Variants in DPYSL5 observed in about 807,000 individuals in gnomAD.
DPYSL5 encodes dihydropyrimidinase like 5.
DPYSL5 carries 9 observed loss-of-function variants against 58.4 expected under a neutral mutation model. The ratio of observed to expected loss-of-function variants is 0.15; its 90% CI spans 0.09 to 0.27. The LOEUF is 0.27. DPYSL5 is among the 10% of genes least tolerant of loss of function. The probability of loss-of-function intolerance (pLI) is 1.00; values close to 1 mark genes in which losing one functional copy is unlikely to be tolerated. For missense variants in DPYSL5, 499 were observed against 770.6 expected, an observed-to-expected ratio of 0.65 and a Z score of 4.17; for synonymous variants, 293 against 301.9, an observed-to-expected ratio of 0.97 and a Z score of 0.31.
chr2:26,917,228 G>A lies in DPYSL5; in HGVS notation c.262-7659G>A, dbSNP rs76036286. Among the ~76,000 whole-genome samples, 755 of 152,348 alleles carry A rather than the reference G, an allele frequency of 5.0e-3. 4 individuals are homozygous for A. Among genetic ancestry groups the A allele is most frequent in the Non-Finnish European group, 6.8e-3 (463 of 68,028 alleles). ...GTCAGGATACTATAGTGAGAGCAAA[G>A]TAAGGTCAGGAAGTGGGACCATGCC... On this transcript the variant is annotated intron_variant, in intron 2 of 12. Coordinates refer to ENST00000288699, the MANE Select transcript of DPYSL5 (RefSeq NM_020134.4).
chr2:26,851,387 G>A (rs1012883520), intron 1 of DPYSL5, among the ~76,000 whole-genome samples: 3 of 50,862 alleles, frequency 5.9e-5, no homozygotes, highest in African/African-American at 5.5e-4. Flanking sequence ...GCAAACATTA[G>A]CAGGGTTGTT....
rs1665416146 is a variant in DPYSL5 at position 26,944,517 on chromosome 2, T to C, written c.1441-139T>C. 9.7e-6 allele frequency: 9 copies of C among 925,154 alleles called. No homozygotes were observed. In the South Asian group the frequency reaches 1.2e-4, roughly 12 times the overall value. The allele number at this position is 925,154 out of a possible 1,614,324, so 57.3% of individuals were successfully genotyped here. On this transcript the variant is annotated intron_variant, in intron 11 of 12. Coordinates refer to ENST00000288699, the MANE Select transcript of DPYSL5 (RefSeq NM_020134.4). This position sits in a 1 kb window ranked among gnomAD's most constrained non-coding sequence, Gnocchi z 4.4. ...CCCTGGACTCAATGTTTAAGAAGCC[T>C]TGGTCACTTGCAGTGATTTGGGTCT...
chr2:26,940,936 TATTTA>T (rs1558355837), intron 9 of DPYSL5, among the ~76,000 whole-genome samples: 65 of 98,996 alleles, frequency 6.6e-4, no homozygotes, highest in African/African-American at 2.2e-3. Context: ...TTATTATTAT[TATTTA>T]TTTTTTTTTG....
chr2:26,866,711 ATAAACT>A (rs1349675619), intron 1 of DPYSL5, among the ~76,000 whole-genome samples: 5 of 151,870 alleles, frequency 3.3e-5, no homozygotes, highest in African/African-American at 9.7e-5. Context: ...TAATAATAAA[ATAAACT>A]TAAAAATTCT....
intron 2 of DPYSL5, among the ~76,000 whole-genome samples, chr2:26,910,420 G>T (rs986053747): frequency 1.3e-5 from 2 of 152,164 alleles, no homozygotes; most frequent in African/African-American, 4.8e-5. Flanking sequence ...TCTAATAGGT[G>T]TGTAGTGGTA....
chr2:26,891,452 G>A (rs2148131973), intron 1 of DPYSL5, among the ~76,000 whole-genome samples: 1 of 152,222 alleles, frequency 6.6e-6, no homozygotes, highest in Middle Eastern at 3.4e-3. Context: ...CCTCTTCAGA[G>A]CCTCGTTAGC....
intron 2 of DPYSL5, among the ~76,000 whole-genome samples, chr2:26,900,408 C>A (rs1189225176): frequency 6.6e-6 from 1 of 152,184 alleles, no homozygotes; most frequent in African/African-American, 2.4e-5. Context: ...CTCAAAAATT[C>A]ATAAATTCAT....
rs1421151981 is a variant in DPYSL5, at chr2:26,905,515, C to T, written c.261+6755C>T. 6.6e-6 allele frequency among the ~76,000 whole-genome samples: 1 copy of T among 152,210 alleles called. No individual in the cohort carries two copies. Among genetic ancestry groups the T allele is most frequent in the Non-Finnish European group, 1.5e-5 (1 of 68,042 alleles). ...TGGGCTTGGCCAGCAGGCACCCTGG[C>T]AGGCCTTCTCTGGGAATCGGCCCTC... On this transcript the variant is annotated intron_variant, in intron 2 of 12. Transcript: ENST00000288699. The surrounding 1 kb of genome is among the most constrained non-coding windows in gnomAD (Gnocchi z 4.0).
At position 26,927,565 on chromosome 2, in the gene DPYSL5, C is replaced by A; in HGVS notation, c.600+133C>A. The A allele has an allele frequency of 8.9e-7, 1 of 1,118,016 alleles. No homozygotes were observed. The highest frequency in any genetic ancestry group is 1.2e-6 in the Non-Finnish European group (1 of 806,490). The allele number at this position is 1,118,016 out of a possible 1,614,324, so 69.3% of individuals were successfully genotyped here. A position where few individuals can be genotyped will look rare whatever the true frequency, so the allele number is the denominator to read the frequency against. Reference sequence around the variant, plus strand: ...CAGTTGTTAAAGTGTGAGGTGTGGACACCCCAGCTGTCAGATCTTGGTCAG... The same window carrying A: ...CAGTTGTTAAAGTGTGAGGTGTGGAAACCCCAGCTGTCAGATCTTGGTCAG... On this transcript the variant is annotated intron_variant, in intron 4 of 12. Transcript: ENST00000288699. This position sits in a 1 kb window ranked among gnomAD's most constrained non-coding sequence, Gnocchi z 4.3.
At chr2:26,930,007 G>A (rs957786918) in intron 5 of DPYSL5, among the ~76,000 whole-genome samples, 3 of 152,194 alleles carry the variant, frequency 2.0e-5, no homozygotes, top group South Asian at 2.1e-4. Context: ...GGGAGGCCTC[G>A]AGGGACAAGG....
At chr2:26,904,974 G>A (rs982851330) in intron 2 of DPYSL5, among the ~76,000 whole-genome samples, 2 of 152,182 alleles carry the variant, frequency 1.3e-5, no homozygotes, top group Admixed American at 1.3e-4. Context: ...TGGACCAGAA[G>A]GCAGGTTTCT....
At chr2:26,917,786 A>T (rs1664604839) in intron 2 of DPYSL5, among the ~76,000 whole-genome samples, 1 of 151,994 alleles carries the variant, frequency 6.6e-6, no homozygotes, top group East Asian at 1.9e-4. Context: ...AAAATATGAG[A>T]CTCCTTGTTT....
rs564048696 is a variant in DPYSL5 at position 26,943,622 on chromosome 2, G to A, written c.1440+872G>A. Among the ~76,000 whole-genome samples, 4 of 152,286 alleles carry A rather than the reference G, an allele frequency of 2.6e-5. No homozygotes were observed. In the South Asian group the frequency reaches 6.2e-4, roughly 24 times the overall value. On this transcript the variant is annotated intron_variant, in intron 11 of 12. Transcript: ENST00000288699. ...ATGACCTCTGCAGTAATAACTGCTCGTACTTCTGTGTTGCCTCTCATGTGC... is the reference window on the plus strand; with the variant it reads ...ATGACCTCTGCAGTAATAACTGCTCATACTTCTGTGTTGCCTCTCATGTGC...
chr2:26,928,344 C>A, intron 5 of DPYSL5, 21 bp downstream of exon 5: 2 of 1,612,386 alleles, frequency 1.2e-6, no homozygotes, highest in African/African-American at 1.3e-5. Flanking sequence ...CTTCCTGTAG[C>A]CTTTGTCAGC....
Position 26,946,758 on chromosome 2 carries a change from C to G in DPYSL5, c.1610-152C>G, listed in dbSNP as rs919556873. 1.4e-5 allele frequency: 8 copies of G among 554,590 alleles called. No individual in the cohort carries two copies. In the African/African-American group the frequency reaches 1.8e-4, roughly 12 times the overall value. The allele number at this position is 554,590 out of a possible 1,614,324, so 34.4% of individuals were successfully genotyped here. A position where few individuals can be genotyped will look rare whatever the true frequency, so the allele number is the denominator to read the frequency against. On this transcript the variant is annotated intron_variant, in intron 12 of 12. Coordinates refer to ENST00000288699, the MANE Select transcript of DPYSL5 (RefSeq NM_020134.4). ...ACATGGGGCAAGTCACTTAACTTCCCTGAGCCTCTGTCTCCTCATCTATAA... is the reference window on the plus strand; with the variant it reads ...ACATGGGGCAAGTCACTTAACTTCCGTGAGCCTCTGTCTCCTCATCTATAA...
intron 2 of DPYSL5, among the ~76,000 whole-genome samples, chr2:26,911,962 G>A (rs1340520259): frequency 2.6e-5 from 4 of 152,180 alleles, no homozygotes. Flanking sequence ...CTCAAAATGG[G>A]GTGTGTTCAG....
intron 1 of DPYSL5, among the ~76,000 whole-genome samples, chr2:26,858,173 T>TC (rs1162429681): frequency 6.7e-6 from 1 of 150,262 alleles, no homozygotes; most frequent in East Asian, 1.9e-4. Flanking sequence ...ACTTAACATT[T>TC]TTTTTTTTTT....
Position 26,933,190 on chromosome 2 carries a change from G to T in DPYSL5, c.715-68G>T, listed in dbSNP as rs1665079946. ...GCTGGTGCCAGGGCTGACTTTGCCA[G>T]GGTTATTCTGATGCTTGTGAAGTTT... On this transcript the variant is annotated intron_variant, in intron 6 of 12. Transcript: ENST00000288699. The surrounding 1 kb of genome is among the most constrained non-coding windows in gnomAD (Gnocchi z 4.2). The T allele has an allele frequency of 6.7e-7, 1 of 1,481,944 alleles. No individual in the cohort carries two copies. The highest frequency in any genetic ancestry group is 1.4e-5 in the African/African-American group (1 of 72,318). 91.8% of individuals were successfully genotyped at this position (1,481,944 alleles called of 1,614,324 possible). A position where few individuals can be genotyped will look rare whatever the true frequency, so the allele number is the denominator to read the frequency against.
intron 2 of DPYSL5, among the ~76,000 whole-genome samples, chr2:26,917,314 T>A (rs1480765380): frequency 6.6e-6 from 1 of 152,074 alleles, no homozygotes; most frequent in African/African-American, 2.4e-5. Context: ...AAAGGAAGTT[T>A]AGGAGTGCAA....
Sources: allele counts gnomAD v4.1 joint callset (sites outside exome capture counted in the v4.1 genomes callset), GRCh38; gene constraint gnomAD v4.1.1; non-coding constraint Gnocchi (gnomAD v3.1); transcripts MANE v1.5; gene names NCBI Gene and HGNC (gene_info 2026-07-23, HGNC 2026-07-21).